The following CACNA2D1 variants were observed in gnomAD, a reference collection of about 807,000 sequenced individuals.
The protein encoded by CACNA2D1 is voltage-dependent calcium channel subunit alpha-2/delta-1.
CACNA2D1 carries 53 observed loss-of-function variants against 171.5 expected under a neutral mutation model. That is an observed-to-expected ratio of 0.31 (90% CI 0.25 to 0.39). The LOEUF is 0.39. CACNA2D1 is among the 10% of genes least tolerant of loss of function. CACNA2D1 has a pLI of 1.00. For synonymous variants in CACNA2D1, 442 were observed against 443.1 expected, an observed-to-expected ratio of 1.00 and a Z score of 0.03; for missense variants, 903 against 1,299.8, an observed-to-expected ratio of 0.69 and a Z score of 4.69.
chr7:82,237,708 C>G (rs1374177124), intron 3 of CACNA2D1, among the ~76,000 whole-genome samples: 1 of 151,868 alleles, frequency 6.6e-6, no homozygotes, highest in South Asian at 2.1e-4. Flanking sequence ...ATGCTATAAC[C>G]TATAAGTAAC....
chr7:82,376,769 C>T (rs1563454023), intron 1 of CACNA2D1, among the ~76,000 whole-genome samples: 1 of 152,128 alleles, frequency 6.6e-6, no homozygotes, highest in Non-Finnish European at 1.5e-5. Context: ...TTCAGCTCAC[C>T]GTTGATGAAA....
intron 3 of CACNA2D1, among the ~76,000 whole-genome samples, chr7:82,180,268 T>C (rs747241494): frequency 1.5e-4 from 23 of 152,178 alleles, no homozygotes; most frequent in Non-Finnish European, 3.1e-4. Flanking sequence ...CCCCTTTAGA[T>C]GACTGGGGTT....
intron 3 of CACNA2D1, among the ~76,000 whole-genome samples, chr7:82,212,519 T>A (rs1186945526): frequency 6.6e-6 from 1 of 152,208 alleles, no homozygotes; most frequent in East Asian, 1.9e-4. Context: ...CATAAGCCTA[T>A]AGTTACTATG....
intron 1 of CACNA2D1, among the ~76,000 whole-genome samples, chr7:82,416,176 C>A (rs1828144232): frequency 6.6e-6 from 1 of 151,964 alleles, no homozygotes; most frequent in African/African-American, 2.4e-5. Flanking sequence ...GATCGTGCCA[C>A]TGCACTCCAA....
chr7:82,332,564 A>AAGAAAGAAAGAAAGAAAGAG, intron 3 of CACNA2D1, among the ~76,000 whole-genome samples: 2 of 144,246 alleles, frequency 1.4e-5, no homozygotes, highest in East Asian at 4.0e-4. Flanking sequence ...GAAAGAAAGA[A>AAGAAAGAAAGAAAGAAAGAG]AGAACGAACA....
chr7:82,371,332 T>A (rs888121707), intron 1 of CACNA2D1, among the ~76,000 whole-genome samples: 2 of 152,174 alleles, frequency 1.3e-5, no homozygotes, highest in African/African-American at 4.8e-5. Flanking sequence ...TGTGGCTGTT[T>A]ATGAGACGAT....
chr7:82,395,309 T>A (rs1011820778), intron 1 of CACNA2D1, among the ~76,000 whole-genome samples: 4 of 152,176 alleles, frequency 2.6e-5, no homozygotes, highest in African/African-American at 9.7e-5. Flanking sequence ...ACCAAGTAAG[T>A]GACAAGGTCA....
chr7:82,080,171 G>GTA (rs541146477), intron 7 of CACNA2D1, among the ~76,000 whole-genome samples: 8 of 149,364 alleles, frequency 5.4e-5, no homozygotes, highest in South Asian at 2.1e-4. Context: ...ATATAGGTGT[G>GTA]TATATATATA....
At chr7:82,001,483 T>C (rs1798595464) in intron 18 of CACNA2D1, among the ~76,000 whole-genome samples, 2 of 152,186 alleles carry the variant, frequency 1.3e-5, no homozygotes, top group Non-Finnish European at 2.9e-5. Flanking sequence ...TCTACCATCA[T>C]TAATAACATT....
chr7:82,180,169 T>C (rs892647909), intron 3 of CACNA2D1, among the ~76,000 whole-genome samples: 1 of 152,074 alleles, frequency 6.6e-6, no homozygotes, highest in African/African-American at 2.4e-5. Flanking sequence ...AATATAGAGA[T>C]AGTGTCTCCC....
chr7:82,108,749 G>T (rs950648570), intron 6 of CACNA2D1, among the ~76,000 whole-genome samples: 11 of 152,238 alleles, frequency 7.2e-5, no homozygotes, highest in African/African-American at 2.6e-4. Context: ...ATTTTAAAAA[G>T]ATAGTGAAAG....
At chr7:81,971,349 G>A (rs1795252603) in intron 26 of CACNA2D1, among the ~76,000 whole-genome samples, 1 of 151,596 alleles carries the variant, frequency 6.6e-6, no homozygotes, top group Non-Finnish European at 1.5e-5. Context: ...ATGAGGTAGA[G>A]AAGAAAACAT....
chr7:81,968,480 TC>T (rs1450398484), intron 29 of CACNA2D1, among the ~76,000 whole-genome samples: 3 of 151,570 alleles, frequency 2.0e-5, no homozygotes, highest in African/African-American at 7.2e-5. Context: ...GCCATATTTA[TC>T]TTTTCCCTCA....
intron 1 of CACNA2D1, among the ~76,000 whole-genome samples, chr7:82,378,297 G>T (rs1241303874): frequency 6.6e-6 from 1 of 152,116 alleles, no homozygotes; most frequent in Non-Finnish European, 1.5e-5. Context: ...TACTAAGAAG[G>T]CTGAGGCAGG....
intron 3 of CACNA2D1, among the ~76,000 whole-genome samples, chr7:82,311,808 G>A (rs148214553): frequency 9.9e-4 from 151 of 152,276 alleles, no homozygotes; most frequent in African/African-American, 3.5e-3. Flanking sequence ...CTGCTTTGAA[G>A]CACTGGGACT....
At chr7:82,268,725 C>CAAA (rs3839794) in intron 3 of CACNA2D1, among the ~76,000 whole-genome samples, 1 of 138,706 alleles carries the variant, frequency 7.2e-6, no homozygotes, top group East Asian at 2.2e-4. Context: ...TACCTGAGAC[C>CAAA]AAAAAAAAAA....
At chr7:82,061,531 C>G (rs966508271) in intron 9 of CACNA2D1, among the ~76,000 whole-genome samples, 9 of 152,078 alleles carry the variant, frequency 5.9e-5, no homozygotes, top group Non-Finnish European at 1.3e-4. Context: ...TCTCAATAGC[C>G]CTGTATTCCA....
chr7:82,067,606 AAT>A (rs1283140687), intron 7 of CACNA2D1, among the ~76,000 whole-genome samples: 2 of 152,182 alleles, frequency 1.3e-5, no homozygotes, highest in African/African-American at 4.8e-5. Flanking sequence ...AGTAAGCTTA[AAT>A]ATAGCACTCT....
intron 3 of CACNA2D1, among the ~76,000 whole-genome samples, chr7:82,250,864 T>C (rs1224901669): frequency 1.3e-5 from 2 of 152,158 alleles, no homozygotes; most frequent in African/African-American, 4.8e-5. Context: ...TCCCAGACTA[T>C]CAGCAATCAA....
Sources: gnomAD v4.1 joint callset for allele counts (sites outside exome capture counted in the v4.1 genomes callset) on GRCh38, gnomAD v4.1.1 for gene constraint, MANE v1.5 for transcripts, NCBI Gene and HGNC (gene_info 2026-07-23, HGNC 2026-07-21) for gene names.